GNAO1: variants seen among roughly 807,000 people sequenced by gnomAD.
GNAO1 encodes guanine nucleotide-binding protein G(o) subunit alpha.
For missense variants in GNAO1, 166 were observed against 478.7 expected (o/e 0.35, Z 6.10); for synonymous variants, 164 against 180.7 (o/e 0.91, Z 0.74).
intron 3 of GNAO1, among the ~76,000 whole-genome samples, chr16:56,313,540 C>A (rs1165517464): frequency 6.6e-6 from 1 of 152,070 alleles, no homozygotes; most frequent in African/African-American, 2.4e-5. Flanking sequence ...GGTTCTCACA[C>A]GTCTCTGCCT....
At chr16:56,207,137 T>G (rs1245817527) in intron 2 of GNAO1, among the ~76,000 whole-genome samples, 1 of 152,246 alleles carries the variant, frequency 6.6e-6, no homozygotes, top group African/African-American at 2.4e-5. Context: ...CATGTTCCCA[T>G]TTTACAGATG....
chr16:56,300,190 G>A (rs2037331747), intron 3 of GNAO1, among the ~76,000 whole-genome samples: 1 of 152,046 alleles, frequency 6.6e-6, no homozygotes, highest in African/African-American at 2.4e-5. Context: ...ATGTCAAAAG[G>A]GCCACTTGCA....
chr16:56,305,719 T>C (rs2037388379), intron 3 of GNAO1, among the ~76,000 whole-genome samples: 2 of 152,146 alleles, frequency 1.3e-5, no homozygotes, highest in African/African-American at 4.8e-5. Context: ...AGGGCCGTCA[T>C]AACAAAGCAT....
intron 6 of GNAO1, chr16:56,340,616 C>T: frequency 1.8e-6 from 1 of 569,436 alleles, no homozygotes; most frequent in Non-Finnish European, 3.2e-6. Context: ...CTGCCCGGCC[C>T]TGCTCCGCCC....
chr16:56,352,667 C>T (rs1174255235), intron 7 of GNAO1: 1 of 152,350 alleles, frequency 6.6e-6, no homozygotes, highest in Admixed American at 6.5e-5. Flanking sequence ...GTCTCCCCAC[C>T]CTTCCCCACA....
intron 6 of GNAO1, chr16:56,340,823 C>G (rs752407324): frequency 1.2e-6 from 2 of 1,612,354 alleles, no homozygotes; most frequent in South Asian, 1.1e-5. Context: ...CACCCCTCCA[C>G]TCTGTTGCAG....
intron 2 of GNAO1, among the ~76,000 whole-genome samples, chr16:56,260,702 C>CT (rs1251594178): frequency 1.5e-4 from 5 of 33,860 alleles, no homozygotes; most frequent in Non-Finnish European, 2.6e-4. Context: ...TTTGTGGACT[C>CT]TTTTTTTGGG....
intron 3 of GNAO1, among the ~76,000 whole-genome samples, chr16:56,306,685 AG>A (rs2037400029): frequency 6.6e-6 from 1 of 152,196 alleles, no homozygotes; most frequent in African/African-American, 2.4e-5. Flanking sequence ...ACATGAAGCC[AG>A]GCTTCATCTA....
At chr16:56,246,616 G>A (rs911572261) in intron 2 of GNAO1, among the ~76,000 whole-genome samples, 2 of 152,170 alleles carry the variant, frequency 1.3e-5, no homozygotes, top group Admixed American at 6.5e-5. Flanking sequence ...CTCTGCCTAG[G>A]GTTTCCCATA....
At chr16:56,332,501 CTGACA>C (rs1423403736) in intron 4 of GNAO1, among the ~76,000 whole-genome samples, 2 of 152,236 alleles carry the variant, frequency 1.3e-5, no homozygotes, top group African/African-American at 4.8e-5. Context: ...ACACTACCTC[CTGACA>C]TATCATCTCT....
chr16:56,300,275 A>T (rs1247430975), intron 3 of GNAO1, among the ~76,000 whole-genome samples: 1 of 152,168 alleles, frequency 6.6e-6, no homozygotes, highest in Non-Finnish European at 1.5e-5. Flanking sequence ...CATAGAATTT[A>T]GAGTTGAGAA....
chr16:56,222,038 A>G (rs2036494478), intron 2 of GNAO1, among the ~76,000 whole-genome samples: 1 of 152,212 alleles, frequency 6.6e-6, no homozygotes, highest in African/African-American at 2.4e-5. Context: ...TCAAGCACAG[A>G]AGTTTTGCAA....
At chr16:56,242,985 C>G (rs188488335) in intron 2 of GNAO1, among the ~76,000 whole-genome samples, 1 of 152,118 alleles carries the variant, frequency 6.6e-6, no homozygotes, top group East Asian at 1.9e-4. Context: ...CCTGTTAGAT[C>G]AGAAGGAGCA....
intron 3 of GNAO1, among the ~76,000 whole-genome samples, chr16:56,287,041 G>A (rs1047136290): frequency 7.9e-5 from 12 of 152,190 alleles, no homozygotes; most frequent in South Asian, 6.2e-4. Context: ...GGCTGAGCTC[G>A]GCAGCAAGCC....
intron 3 of GNAO1, chr16:56,276,916 C>T (rs1482326293): frequency 2.6e-5 from 4 of 152,172 alleles, no homozygotes; most frequent in Non-Finnish European, 2.9e-5. Context: ...GGCTCTGCAT[C>T]TGAGCCTCTG....
At chr16:56,339,378 A>G (rs1416655966) in intron 6 of GNAO1, among the ~76,000 whole-genome samples, 2 of 152,208 alleles carry the variant, frequency 1.3e-5, no homozygotes, top group African/African-American at 2.4e-5. Flanking sequence ...AGGAATCATC[A>G]CTCAGTGAAT....
chr16:56,347,974 C>T lies in GNAO1; in HGVS notation c.724-3410C>T, dbSNP rs1324307784. Reference sequence around the variant, plus strand: ...CACGCACCCCCCTCCCCCATCTAGGCGAGGTGGGCTCGGGCGTCCCAGGCC... The same window carrying T: ...CACGCACCCCCCTCCCCCATCTAGGTGAGGTGGGCTCGGGCGTCCCAGGCC... On this transcript the variant is annotated intron_variant, in intron 6 of 8. Coordinates refer to ENST00000262493, the MANE Select transcript of GNAO1 (RefSeq NM_020988.3). 2.0e-5 allele frequency: 20 copies of T among 975,642 alleles called. No homozygotes were observed. In the South Asian group the frequency reaches 4.3e-4, roughly 21 times the overall value. 60.4% of individuals were successfully genotyped at this position (975,642 alleles called of 1,614,324 possible). A position where few individuals can be genotyped will look rare whatever the true frequency, so the allele number is the denominator to read the frequency against.
chr16:56,204,972 T>C (rs2036314233), intron 2 of GNAO1, among the ~76,000 whole-genome samples: 1 of 152,192 alleles, frequency 6.6e-6, no homozygotes, highest in South Asian at 2.1e-4. Flanking sequence ...CAGATGTTCT[T>C]GTGGCAAAGG....
rs1414420128 is a variant in GNAO1, at chr16:56,256,708, C to G, written c.162-19223C>G. On this transcript the variant is annotated intron_variant, in intron 2 of 8. Coordinates refer to ENST00000262493, the MANE Select transcript of GNAO1 (RefSeq NM_020988.3). ...TCTGTCTCTCTCTCTCTCTCTCTCT[C>G]TCTCTCTCTCTGTGTGTGTGTGTGT... Among the ~76,000 whole-genome samples the G allele has an allele frequency of 1.4e-4, 17 of 119,492 alleles. No homozygotes were observed. The East Asian group carries it at 1.6e-3, about 11-fold the overall frequency. The allele number at this position is 119,492 out of a possible 152,430, so 78.4% of individuals were successfully genotyped here. A position where few individuals can be genotyped will look rare whatever the true frequency, so the allele number is the denominator to read the frequency against.
Sources: allele counts gnomAD v4.1 joint callset (sites outside exome capture counted in the v4.1 genomes callset), GRCh38; gene constraint gnomAD v4.1.1; transcripts MANE v1.5; gene names NCBI Gene and HGNC (gene_info 2026-07-23, HGNC 2026-07-21).